The following ZNF397 variants were observed in gnomAD, a reference collection of about 807,000 sequenced individuals.
The protein encoded by ZNF397 is zinc finger protein 397, also known as zinc finger and SCAN domain-containing protein 15.
ZNF397 carries 38 observed loss-of-function variants against 50.6 expected under a neutral mutation model. The observed-to-expected ratio is 0.75, with a 90% CI of 0.58 to 0.98. The LOEUF (loss-of-function observed/expected upper bound fraction) is 0.98. Ranked by LOEUF, ZNF397 falls within the 50% of genes least tolerant of loss-of-function variation. ZNF397 has a pLI of 0.00. For synonymous variants in ZNF397, 228 were observed against 215.2 expected (o/e 1.06, Z -0.52); for missense variants, 624 against 624.1 (o/e 1.00, Z 0.00).
In ZNF397 at chr18:35,246,806, C is replaced by G. The variant is rs1005289545; in HGVS notation, c.*496C>G. ...AATGATTTGTTGAGCCCAGGGCAGG[C>G]CAGGAATTAGATAGGCATGAGAAGA... On this transcript the variant is annotated 3_prime_UTR_variant, in exon 4 of 4. Coordinates refer to ENST00000330501, the MANE Select transcript of ZNF397 (RefSeq NM_001135178.3). 2.0e-6 allele frequency: 2 copies of G among 982,418 alleles called. No homozygotes were observed. 60.9% of individuals were successfully genotyped at this position (982,418 alleles called of 1,614,324 possible).
In ZNF397 at chr18:35,246,701, A is replaced by G; in HGVS notation, c.*391A>G. On this transcript the variant is annotated 3_prime_UTR_variant, in exon 4 of 4. Transcript: ENST00000330501. ...TGGACTGTGTGAGGCACTTCGTCTC[A>G]GGAACTAAAAAAAAAAAAAAAACTG... The G allele has an allele frequency of 1.0e-6, 1 of 987,396 alleles. No individual in the cohort carries two copies. The highest frequency in any genetic ancestry group is 1.2e-6 in the Non-Finnish European group (1 of 832,260). 61.2% of individuals were successfully genotyped at this position (987,396 alleles called of 1,614,324 possible).
chr18:35,243,637 GT>G, intron 3 of ZNF397: 2 of 543,162 alleles, frequency 3.7e-6, no homozygotes, highest in East Asian at 6.3e-5. Context: ...TAGAATATAA[GT>G]AGGCAGTGGG....
In ZNF397 at chr18:35,245,708, C is replaced by G. The variant is rs1392075411; in HGVS notation, c.1003C>G (p.His335Asp). The change falls in exon 4 of 4, where the codon CAT becomes GAT. Residue 335 changes from histidine to aspartate, a missense_variant. Physicochemically the swap from His to Asp is moderately conservative, Grantham distance 81. Transcript: ENST00000330501. ...CTATCTTATTATTCATCAGAGAATT[C>G]ATAGTGGTGAGAAAGCATATGAATG... ...RSYLIIHQRI[H>D]SGEKAYECSE... 4.5e-6 allele frequency: 7 copies of G among 1,552,090 alleles called. No homozygotes were observed. The highest frequency in any genetic ancestry group is 5.2e-6 in the Non-Finnish European group (6 of 1,147,190).
intron 2 of ZNF397, 42 bp downstream of exon 2, chr18:35,242,926 C>G (rs748367616): frequency 1.3e-6 from 2 of 1,559,932 alleles, no homozygotes; most frequent in African/African-American, 1.4e-5. Flanking sequence ...GAATTTACAG[C>G]CTGGAGCATG....
At chr18:35,253,603 A>C, downstream of ZNF397, 1 of 1,614,020 alleles carries the variant, frequency 6.2e-7, no homozygotes. Flanking sequence ...TTCCACATTC[A>C]TTACATTCAT....
In ZNF397 at chr18:35,248,158, T is replaced by C. The variant is rs2043512991; in HGVS notation, c.*1848T>C. The C allele has an allele frequency of 6.6e-6, 1 of 152,148 alleles. No individual in the cohort carries two copies. Among genetic ancestry groups the C allele is most frequent in the Admixed American group, 6.5e-5 (1 of 15,274 alleles). The allele number at this position is 152,148 out of a possible 1,614,324, so 9.4% of individuals were successfully genotyped here. A position where few individuals can be genotyped will look rare whatever the true frequency, so the allele number is the denominator to read the frequency against. ...ACAAAGACATATTCAAAAGACCTAA[T>C]AGGTCAGAAGAATAACATACCACAC... On this transcript the variant is annotated 3_prime_UTR_variant, in exon 4 of 4. Coordinates refer to ENST00000330501, the MANE Select transcript of ZNF397 (RefSeq NM_001135178.3).
chr18:35,245,811 G>A lies in ZNF397; in HGVS notation c.1106G>A (p.Cys369Tyr), dbSNP rs2043469158. The A allele has an allele frequency of 1.3e-6, 2 of 1,551,992 alleles. No homozygotes were observed. The highest frequency in any genetic ancestry group is 1.4e-5 in the African/African-American group (1 of 73,028). Reference sequence around the variant, plus strand: ...AAAATCCATACTGGTGAGAAAGCTTGTAAATGTAATGAGTGTGGCAAAGCA... The same window carrying A: ...AAAATCCATACTGGTGAGAAAGCTTATAAATGTAATGAGTGTGGCAAAGCA... ...HRKIHTGEKACKCNECGKAFS... is the reference protein window; with the variant it reads ...HRKIHTGEKAYKCNECGKAFS... The change falls in exon 4 of 4, where the codon TGT becomes TAT. Residue 369 changes from cysteine to tyrosine, a missense_variant. Physicochemically the swap from Cys to Tyr is radical, Grantham distance 194. Coordinates refer to ENST00000330501, the MANE Select transcript of ZNF397 (RefSeq NM_001135178.3).
At chr18:35,242,193 A>C (rs776638528) in intron 1 of ZNF397, among the ~76,000 whole-genome samples, 198 bp from the exon 2 acceptor site, 1 of 152,222 alleles carries the variant, frequency 6.6e-6, no homozygotes, top group Non-Finnish European at 1.5e-5. Context: ...TTCTAACATT[A>C]GTGGTAGGAA....
chr18:35,245,750 G>C lies in ZNF397; in HGVS notation c.1045G>C (p.Ala349Pro), dbSNP rs1480009899. Reference sequence around the variant, plus strand: ...ATATGAATGTAGTGAATGTGGGAAAGCTTTCAATCAGAGCTCAGCCCTCAT... The same window carrying C: ...ATATGAATGTAGTGAATGTGGGAAACCTTTCAATCAGAGCTCAGCCCTCAT... ...KAYECSECGKAFNQSSALIRH... is the reference protein window; with the variant it reads ...KAYECSECGKPFNQSSALIRH... Residue 349 changes from alanine to proline, a missense_variant, in exon 4 of 4, where the codon GCT becomes CCT. Transcript: ENST00000330501. 6.4e-7 allele frequency: 1 copy of C among 1,552,182 alleles called. No individual in the cohort carries two copies. Among genetic ancestry groups the C allele is most frequent in the Non-Finnish European group, 8.7e-7 (1 of 1,147,184 alleles).
rs960894467 is a variant in ZNF397 at position 35,247,496 on chromosome 18, C to G, written c.*1186C>G. On this transcript the variant is annotated 3_prime_UTR_variant, in exon 4 of 4. Coordinates refer to ENST00000330501, the MANE Select transcript of ZNF397 (RefSeq NM_001135178.3). ...AATTCCCAACGCTCTGGATCAGAAG[C>G]TGCCATATCATTTGTTTCTGGGGCT... 9 of 152,258 alleles carry G rather than the reference C, an allele frequency of 5.9e-5. No individual in the cohort carries two copies. Among genetic ancestry groups the G allele is most frequent in the African/African-American group, 2.2e-4 (9 of 41,548 alleles). 9.4% of individuals were successfully genotyped at this position (152,258 alleles called of 1,614,324 possible). A position where few individuals can be genotyped will look rare whatever the true frequency, so the allele number is the denominator to read the frequency against.
chr18:35,250,123 C>A (rs115898306), downstream of ZNF397, among the ~76,000 whole-genome samples: 967 of 152,292 alleles, frequency 6.3e-3, 12 homozygotes, highest in African/African-American at 0.022. Flanking sequence ...AAGTATAAAT[C>A]TGGGTGCAAA....
Position 35,248,827 on chromosome 18 carries a change from G to A in ZNF397, c.*2517G>A, listed in dbSNP as rs1360135463. On this transcript the variant is annotated 3_prime_UTR_variant, in exon 4 of 4. Coordinates refer to ENST00000330501, the MANE Select transcript of ZNF397 (RefSeq NM_001135178.3). ...ACTGCACTCCAGCCTGGGAGAGCAAGACCCTGTCTCCAAACCAAAAAAAAA... is the reference window on the plus strand; with the variant it reads ...ACTGCACTCCAGCCTGGGAGAGCAAAACCCTGTCTCCAAACCAAAAAAAAA... 2 of 152,026 alleles carry A rather than the reference G, an allele frequency of 1.3e-5. No individual in the cohort carries two copies. The highest frequency in any genetic ancestry group is 2.9e-5 in the Non-Finnish European group (2 of 68,012). The allele number at this position is 152,026 out of a possible 1,614,324, so 9.4% of individuals were successfully genotyped here.
At chr18:35,250,606 G>C (rs1231368353), downstream of ZNF397, among the ~76,000 whole-genome samples, 1 of 152,120 alleles carries the variant, frequency 6.6e-6, no homozygotes, top group African/African-American at 2.4e-5. Flanking sequence ...GAAAGGATTG[G>C]AAATTTAAAG....
chr18:35,251,277 C>T (rs1175749744), downstream of ZNF397: 1 of 152,142 alleles, frequency 6.6e-6, no homozygotes, highest in African/African-American at 2.4e-5. Flanking sequence ...TTTATACTTT[C>T]TCATTTTCTG....
Position 35,243,563 on chromosome 18 carries a change from G to A in ZNF397, c.556+270G>A, listed in dbSNP as rs774531714. On this transcript the variant is annotated intron_variant, in intron 3 of 3. Coordinates refer to ENST00000330501, the MANE Select transcript of ZNF397 (RefSeq NM_001135178.3). ...ATGTCTGGTACTGTGGTAGGCCCCAGGAGAGGTTTCAGGTCTAGGTGGGTG... is the reference window on the plus strand; with the variant it reads ...ATGTCTGGTACTGTGGTAGGCCCCAAGAGAGGTTTCAGGTCTAGGTGGGTG... 7.8e-5 allele frequency: 48 copies of A among 613,032 alleles called. No individual in the cohort carries two copies. The Middle Eastern group carries it at 3.3e-3, about 42-fold the overall frequency. 38.0% of individuals were successfully genotyped at this position (613,032 alleles called of 1,614,324 possible).
Position 35,247,002 on chromosome 18 carries a change from T to G in ZNF397, c.*692T>G. Reference sequence around the variant, plus strand: ...ACCTTAAGGAGCACCTGACTCAGCCTTGGATAAGGAAATGGGGGAAATGGC... The same window carrying G: ...ACCTTAAGGAGCACCTGACTCAGCCGTGGATAAGGAAATGGGGGAAATGGC... On this transcript the variant is annotated 3_prime_UTR_variant, in exon 4 of 4. Transcript: ENST00000330501. 1.1e-6 allele frequency: 1 copy of G among 898,274 alleles called. No homozygotes were observed. The highest frequency in any genetic ancestry group is 1.3e-6 in the Non-Finnish European group (1 of 750,686). 55.6% of individuals were successfully genotyped at this position (898,274 alleles called of 1,614,324 possible).
Position 35,245,675 on chromosome 18 carries a change from T to C in ZNF397, c.970T>C (p.Leu324=), listed in dbSNP as rs1308918413. 2 of 1,552,664 alleles carry C rather than the reference T, an allele frequency of 1.3e-6. No homozygotes were observed. Among genetic ancestry groups the C allele is most frequent in the South Asian group, 2.4e-5 (2 of 84,094 alleles). The part of the protein sequence containing the change: ...KCNQCGKAFS[L]RSYLIIHQRI... Reference sequence around the variant, plus strand: ...TAACCAGTGTGGGAAGGCCTTTAGTTTGAGGTCCTATCTTATTATTCATCA... The same window carrying C: ...TAACCAGTGTGGGAAGGCCTTTAGTCTGAGGTCCTATCTTATTATTCATCA... The change falls in exon 4 of 4, where the codon TTG becomes CTG. Residue 324 remains leucine, a synonymous_variant. Coordinates refer to ENST00000330501, the MANE Select transcript of ZNF397 (RefSeq NM_001135178.3).
chr18:35,243,445 C>T, intron 3 of ZNF397, 152 bp downstream of exon 3: 1 of 1,031,926 alleles, frequency 9.7e-7, no homozygotes, highest in East Asian at 2.5e-5. Context: ...TTTGTATTCA[C>T]CCCTCATGAA....
Position 35,248,766 on chromosome 18 carries a change from C to G in ZNF397, c.*2456C>G, listed in dbSNP as rs549063512. On this transcript the variant is annotated 3_prime_UTR_variant, in exon 4 of 4. Coordinates refer to ENST00000330501, the MANE Select transcript of ZNF397 (RefSeq NM_001135178.3). Reference sequence around the variant, plus strand: ...CTGAGGTGAGAGGTTCGCTTGAGCCCTGGAAGTCGAGGCTTCAGTGAGGCA... The same window carrying G: ...CTGAGGTGAGAGGTTCGCTTGAGCCGTGGAAGTCGAGGCTTCAGTGAGGCA... 6 of 152,146 alleles carry G rather than the reference C, an allele frequency of 3.9e-5. No individual in the cohort carries two copies. Among genetic ancestry groups the G allele is most frequent in the African/African-American group, 1.4e-4 (6 of 41,490 alleles). The allele number at this position is 152,146 out of a possible 1,614,324, so 9.4% of individuals were successfully genotyped here.
Sources: gnomAD v4.1 joint callset for allele counts (sites outside exome capture counted in the v4.1 genomes callset) on GRCh38, gnomAD v4.1.1 for gene constraint, MANE v1.5 for transcripts, NCBI Gene and HGNC (gene_info 2026-07-23, HGNC 2026-07-21) for gene names.